The following CPVL variants were observed in gnomAD, a reference collection of about 807,000 sequenced individuals.
CPVL encodes carboxypeptidase vitellogenic like, also known as probable serine carboxypeptidase CPVL.
In CPVL, 51 loss-of-function variants were observed where a neutral mutation model predicts 63.7. That is an observed-to-expected ratio of 0.80 (90% CI 0.64 to 1.01). The LOEUF is 1.01. CPVL is among the 50% of genes least tolerant of loss of function. CPVL has a pLI of 0.00. For synonymous variants in CPVL, 195 were observed against 206.0 expected (o/e 0.95, Z 0.46); for missense variants, 530 against 573.1 (o/e 0.92, Z 0.77).
At chr7:29,187,948 C>G (rs12700940) in intron 1 of CPVL, among the ~76,000 whole-genome samples, 17,800 of 152,134 alleles carry the variant, frequency 0.12, 1,181 homozygotes, top group African/African-American at 0.17. Flanking sequence ...GGTTATTTGT[C>G]CAAGATCACC....
chr7:29,138,818 T>C (rs764097397), intron 1 of CPVL, among the ~76,000 whole-genome samples: 2 of 152,208 alleles, frequency 1.3e-5, no homozygotes, highest in Non-Finnish European at 2.9e-5. Context: ...GTTCCTGAGC[T>C]GCCACGGGCA....
At chr7:29,185,929 A>G (rs1798653250) in intron 2 of CPVL, among the ~76,000 whole-genome samples, 1 of 152,152 alleles carries the variant, frequency 6.6e-6, no homozygotes, top group South Asian at 2.1e-4. Context: ...GCTTTTAGGG[A>G]TAGGGAAACT....
At chr7:29,156,541 T>C (rs1294218581) in intron 5 of CPVL, among the ~76,000 whole-genome samples, 1 of 152,162 alleles carries the variant, frequency 6.6e-6, no homozygotes, top group Non-Finnish European at 1.5e-5. Context: ...GGGGCTGAAA[T>C]TTTGCCCTGA....
chr7:29,117,942 C>T (rs1788941630), intron 2 of CPVL, among the ~76,000 whole-genome samples: 3 of 152,174 alleles, frequency 2.0e-5, no homozygotes, highest in African/African-American at 7.2e-5. Flanking sequence ...TATTTTCTCC[C>T]TCGATTATGC....
chr7:29,074,793 T>G (rs1213995550), intron 7 of CPVL, among the ~76,000 whole-genome samples: 1 of 150,690 alleles, frequency 6.6e-6, no homozygotes. Flanking sequence ...GGCATTATAC[T>G]AGATACTTGA....
At chr7:29,008,142 G>A (rs546623328) in intron 12 of CPVL, among the ~76,000 whole-genome samples, 5 of 152,270 alleles carry the variant, frequency 3.3e-5, no homozygotes, top group Admixed American at 1.3e-4. Context: ...CAAGGCAAGA[G>A]GAGGGAATCC....
chr7:29,061,920 G>A (rs1394757646), intron 11 of CPVL, among the ~76,000 whole-genome samples: 3 of 147,120 alleles, frequency 2.0e-5, no homozygotes, highest in Non-Finnish European at 4.4e-5. Flanking sequence ...CTACAGCTGG[G>A]CAACAAGAGC....
At position 29,066,010 on chromosome 7, in the gene CPVL, A is replaced by C; in HGVS notation, c.963+13T>G. 1 of 1,479,052 alleles carries C rather than the reference A, an allele frequency of 6.8e-7. No individual in the cohort carries two copies. The highest frequency in any genetic ancestry group is 9.3e-7 in the Non-Finnish European group (1 of 1,080,274). The allele number at this position is 1,479,052 out of a possible 1,614,324, so 91.6% of individuals were successfully genotyped here. ...TTAAGCAAACATTATTATGGTTTTT[A>C]AAATGTCATTACCGTGCACCGCAAA... On this transcript the variant is annotated intron_variant, in intron 10 of 12. Transcript: ENST00000265394.
upstream of CPVL, among the ~76,000 whole-genome samples, chr7:29,151,224 T>C (rs546530873): frequency 3.9e-5 from 6 of 152,324 alleles, no homozygotes; most frequent in East Asian, 1.2e-3. Context: ...AATAAGTGCT[T>C]CCACTCTTAG....
upstream of CPVL, chr7:29,146,989 G>T (rs1230746339): frequency 1.5e-5 from 23 of 1,550,638 alleles, no homozygotes; most frequent in Non-Finnish European, 2.0e-5. Flanking sequence ...CCACTGTCCT[G>T]CCAAGCACTC....
At chr7:29,020,026 T>C (rs1786802853) in intron 12 of CPVL, among the ~76,000 whole-genome samples, 1 of 152,164 alleles carries the variant, frequency 6.6e-6, no homozygotes, top group Non-Finnish European at 1.5e-5. Flanking sequence ...GCGGGTTGAG[T>C]GTGATATTTG....
At position 29,112,720 on chromosome 7, in the gene CPVL, CAGA is replaced by C. The variant is rs772452615; in HGVS notation, c.269_271del (p.Phe90del). On this transcript the variant is annotated inframe_deletion, in exon 3 of 13. Transcript: ENST00000265394. ...GGCACCTACCTGAGCTGGGAAGAACCAGAAGAAGAGGTTGCTGTTGTAAGTCTT... is the reference window on the plus strand; with the variant it reads ...GGCACCTACCTGAGCTGGGAAGAACCAGAAGAGGTTGCTGTTGTAAGTCTT... 1.8e-5 allele frequency: 29 copies of C among 1,611,942 alleles called. No individual in the cohort carries two copies. The highest frequency in any genetic ancestry group is 9.9e-5 in the South Asian group (9 of 90,992).
At chr7:29,057,291 ATT>A (rs1459709261) in intron 11 of CPVL, among the ~76,000 whole-genome samples, 2 of 152,016 alleles carry the variant, frequency 1.3e-5, no homozygotes, top group East Asian at 3.9e-4. Flanking sequence ...CCATCTGTAT[ATT>A]TTCACTGGTG....
At chr7:29,101,581 C>G (rs190931052) in intron 3 of CPVL, among the ~76,000 whole-genome samples, 1 of 152,056 alleles carries the variant, frequency 6.6e-6, no homozygotes, top group Non-Finnish European at 1.5e-5. Flanking sequence ...GGCGACAGAG[C>G]GAGACTCCGT....
chr7:29,104,788 C>T (rs1385894411), intron 3 of CPVL, among the ~76,000 whole-genome samples: 5 of 152,140 alleles, frequency 3.3e-5, no homozygotes, highest in Middle Eastern at 3.2e-3. Flanking sequence ...GGGAAGTGGG[C>T]GGATGCAGGG....
chr7:29,071,719 C>CCAA, intron 9 of CPVL, 54 bp downstream of exon 9: 2 of 1,068,954 alleles, frequency 1.9e-6, no homozygotes, highest in Non-Finnish European at 2.6e-6. Context: ...ACCCGCCCTC[C>CCAA]CTCCCCAGAT....
intron 2 of CPVL, among the ~76,000 whole-genome samples, chr7:29,116,891 G>C (rs1788822935): frequency 6.6e-6 from 1 of 152,146 alleles, no homozygotes; most frequent in Non-Finnish European, 1.5e-5. Context: ...GCGAGCTACT[G>C]TTTATCTCGA....
At chr7:29,184,108 T>C (rs910983986) in intron 4 of CPVL, among the ~76,000 whole-genome samples, 1 of 151,392 alleles carries the variant, frequency 6.6e-6, no homozygotes, top group Non-Finnish European at 1.5e-5. Flanking sequence ...CAATCTCCCA[T>C]GGATACCAAA....
chr7:29,039,604 A>G (rs111973440), intron 11 of CPVL, among the ~76,000 whole-genome samples: 5 of 152,322 alleles, frequency 3.3e-5, no homozygotes, highest in African/African-American at 1.2e-4. Context: ...GCTAAGACTG[A>G]AAATAAATCA....
Sources: gnomAD v4.1 joint callset for allele counts (sites outside exome capture counted in the v4.1 genomes callset) on GRCh38, gnomAD v4.1.1 for gene constraint, MANE v1.5 for transcripts, NCBI Gene and HGNC (gene_info 2026-07-23, HGNC 2026-07-21) for gene names.